Variants in MCF2L2 observed in about 807,000 individuals in gnomAD.
MCF2L2 encodes MCF.2 cell line derived transforming sequence-like 2.
Under a neutral mutation model 150.2 loss-of-function variants are expected in MCF2L2, and 102 were observed. The observed-to-expected ratio is 0.68, with a 90% confidence interval of 0.58 to 0.80. MCF2L2 has a LOEUF of 0.80. Ranked by LOEUF, MCF2L2 falls within the 30% of genes least tolerant of loss-of-function variation. MCF2L2 has a pLI of 0.00. For missense variants in MCF2L2, 1,256 were observed against 1,372.8 expected, an observed-to-expected ratio of 0.91 and a Z score of 1.34; for synonymous variants, 465 against 491.3, an observed-to-expected ratio of 0.95 and a Z score of 0.71.
At chr3:183,421,158 T>C (rs1443593439) in intron 1 of MCF2L2, among the ~76,000 whole-genome samples, 1 of 149,066 alleles carries the variant, frequency 6.7e-6, no homozygotes, top group Admixed American at 6.6e-5. Flanking sequence ...GTGGATCTCT[T>C]TACCTTTTTC....
At chr3:183,407,891 AC>A (rs1340364678) in intron 1 of MCF2L2, among the ~76,000 whole-genome samples, 1 of 152,060 alleles carries the variant, frequency 6.6e-6, no homozygotes, top group Non-Finnish European at 1.5e-5. Context: ...CCTGCACCAA[AC>A]CCTCTTCACG....
chr3:183,246,067 C>T (rs1724237904), intron 15 of MCF2L2, among the ~76,000 whole-genome samples: 1 of 152,168 alleles, frequency 6.6e-6, no homozygotes, highest in East Asian at 1.9e-4. Flanking sequence ...GACAATGTAA[C>T]TTTGTGCATA....
intron 7 of MCF2L2, 95 bp from the exon 8 acceptor site, chr3:183,311,867 C>T (rs530785299): frequency 2.1e-4 from 234 of 1,139,444 alleles, no homozygotes; most frequent in Non-Finnish European, 2.7e-4. Context: ...GTACATTTTT[C>T]ATTTAGGAAA....
intron 5 of MCF2L2, among the ~76,000 whole-genome samples, chr3:183,325,673 T>C (rs550838861): frequency 3.3e-5 from 5 of 152,298 alleles, no homozygotes; most frequent in South Asian, 2.1e-4. Context: ...ATGTGCAACA[T>C]TGTATTAGGC....
In MCF2L2 at chr3:183,224,166, T is replaced by C. The variant is rs765849352; in HGVS notation, c.2140A>G (p.Lys714Glu). The C allele has an allele frequency of 6.2e-7, 1 of 1,613,358 alleles. No homozygotes were observed. Among genetic ancestry groups the C allele is most frequent in the Admixed American group, 1.7e-5 (1 of 60,008 alleles). Residue 714 changes from lysine to glutamate, a missense_variant, in exon 19 of 30, where the codon AAA (lysine) becomes GAA (glutamate). Coordinates refer to ENST00000328913, the MANE Select transcript of MCF2L2 (RefSeq NM_015078.4). ...GCTCGGGGCAGATTCTTATGGTATTTAAAATATATCTGAAGATCTTCTTTC... is the reference window on the plus strand; with the variant it reads ...GCTCGGGGCAGATTCTTATGGTATTCAAAATATATCTGAAGATCTTCTTTC... ...KRKEDLQIYF[K>E]YHKNLPRARA...
chr3:183,239,345 C>T (rs1038120540), intron 15 of MCF2L2, among the ~76,000 whole-genome samples: 1 of 152,080 alleles, frequency 6.6e-6, no homozygotes, highest in Non-Finnish European at 1.5e-5. Flanking sequence ...TCTCTGAAGC[C>T]ATATTTCAGG....
At chr3:183,187,758 C>T (rs974102060) in intron 27 of MCF2L2, among the ~76,000 whole-genome samples, 8 of 152,218 alleles carry the variant, frequency 5.3e-5, no homozygotes, top group Admixed American at 1.3e-4. Context: ...TGAGCCACCG[C>T]GCCCAGCCCT....
intron 27 of MCF2L2, among the ~76,000 whole-genome samples, chr3:183,188,331 T>C (rs1212778683): frequency 6.6e-6 from 1 of 152,102 alleles, no homozygotes; most frequent in Non-Finnish European, 1.5e-5. Context: ...CCCACTGAGG[T>C]TAAAGTTGGA....
intron 12 of MCF2L2, chr3:183,296,675 G>A: frequency 3.8e-6 from 1 of 260,552 alleles, no homozygotes; most frequent in Non-Finnish European, 7.4e-6. Flanking sequence ...CTCAGTGAGG[G>A]ATGGAAGCAT....
rs543406041 is a variant in MCF2L2, at chr3:183,345,039, G to A, written c.276-3409C>T. On this transcript the variant is annotated intron_variant, in intron 3 of 29. Transcript: ENST00000328913. Reference sequence around the variant, plus strand: ...TCAGAAAATTAACAAGGATATTCAGGACTTGAACTCAGCTCTGGACCAAGC... The same window carrying A: ...TCAGAAAATTAACAAGGATATTCAGAACTTGAACTCAGCTCTGGACCAAGC... 2.6e-5 allele frequency among the ~76,000 whole-genome samples: 4 copies of A among 152,228 alleles called. No individual in the cohort carries two copies. The South Asian group carries it at 8.3e-4, about 32-fold the overall frequency.
chr3:183,315,445 A>G (rs532437551), intron 7 of MCF2L2, among the ~76,000 whole-genome samples: 2 of 152,236 alleles, frequency 1.3e-5, no homozygotes, highest in Non-Finnish European at 2.9e-5. Flanking sequence ...TTTTACTAAA[A>G]GGCCAATTAA....
intron 15 of MCF2L2, among the ~76,000 whole-genome samples, chr3:183,255,572 T>C (rs1267404016): frequency 6.6e-6 from 1 of 152,146 alleles, no homozygotes; most frequent in African/African-American, 2.4e-5. Flanking sequence ...ACCAGTGTTA[T>C]CACAGGAAAG....
At chr3:183,366,397 G>A (rs928627458) in intron 3 of MCF2L2, among the ~76,000 whole-genome samples, 7 of 152,250 alleles carry the variant, frequency 4.6e-5, no homozygotes, top group African/African-American at 9.6e-5. Context: ...TCCCAGCACC[G>A]TGGGAGGCTG....
chr3:183,378,187 CA>C (rs1713303303), intron 3 of MCF2L2: 1 of 151,988 alleles, frequency 6.6e-6, no homozygotes, highest in South Asian at 2.1e-4. Flanking sequence ...GGAAAGCAGG[CA>C]AAATACCACA....
intron 6 of MCF2L2, 85 bp downstream of exon 6, chr3:183,323,150 C>A: frequency 1.1e-6 from 1 of 935,968 alleles, no homozygotes; most frequent in Non-Finnish European, 1.7e-6. Context: ...AGGGTGACCT[C>A]CTGGCAGTTG....
intron 26 of MCF2L2, among the ~76,000 whole-genome samples, chr3:183,193,441 C>A (rs1013582227): frequency 6.6e-6 from 1 of 150,774 alleles, no homozygotes; most frequent in African/African-American, 2.5e-5. Flanking sequence ...AGCTCTGCCA[C>A]CTGGGTTGAC....
At chr3:183,391,937 G>A (rs762114685) in intron 1 of MCF2L2, among the ~76,000 whole-genome samples, 1 of 151,962 alleles carries the variant, frequency 6.6e-6, no homozygotes, top group African/African-American at 2.4e-5. Flanking sequence ...ACACAGACTA[G>A]AGTGCAGTGG....
At chr3:183,218,566 C>T (rs563543315) in intron 21 of MCF2L2, among the ~76,000 whole-genome samples, 1 of 152,016 alleles carries the variant, frequency 6.6e-6, no homozygotes, top group African/African-American at 2.4e-5. Context: ...ACCCGGGAGG[C>T]GGAGTTGCAG....
intron 1 of MCF2L2, among the ~76,000 whole-genome samples, chr3:183,423,287 G>C (rs748961152): frequency 1.3e-5 from 2 of 152,114 alleles, no homozygotes; most frequent in Non-Finnish European, 2.9e-5. Flanking sequence ...TGAGCCACGG[G>C]CTGAATTTCT....
Sources: gnomAD v4.1 joint callset for allele counts (sites outside exome capture counted in the v4.1 genomes callset) on GRCh38, gnomAD v4.1.1 for gene constraint, MANE v1.5 for transcripts, NCBI Gene and HGNC (gene_info 2026-07-23, HGNC 2026-07-21) for gene names.